Variants in LDB2 observed in about 807,000 individuals in gnomAD.
The protein encoded by LDB2 is LIM domain-binding protein 2.
Under a neutral mutation model 44.3 loss-of-function variants are expected in LDB2, and 12 were observed. The observed-to-expected ratio is 0.27, with a 90% CI of 0.17 to 0.44. The LOEUF (loss-of-function observed/expected upper bound fraction) is 0.44, where lower values mean the gene tolerates loss of function less well. Ranked by LOEUF, LDB2 falls within the 20% of genes least tolerant of loss-of-function variation. The pLI is 1.00. For missense variants in LDB2, 344 were observed against 473.5 expected, an observed-to-expected ratio of 0.73 and a Z score of 2.54; for synonymous variants, 164 against 174.8, an observed-to-expected ratio of 0.94 and a Z score of 0.49.
intron 5 of LDB2, among the ~76,000 whole-genome samples, chr4:16,522,276 T>TGTGTGCGTG (rs1726438868): frequency 6.7e-6 from 1 of 150,234 alleles, no homozygotes; most frequent in African/African-American, 2.5e-5. Context: ...GTGTGTGTGT[T>TGTGTGCGTG]TGTGTGTGTG....
chr4:16,808,791 C>T (rs1779247678), intron 1 of LDB2, among the ~76,000 whole-genome samples: 2 of 152,094 alleles, frequency 1.3e-5, no homozygotes, highest in Admixed American at 1.3e-4. Context: ...AGTATCAGAA[C>T]AGTGTTTTGC....
intron 1 of LDB2, among the ~76,000 whole-genome samples, chr4:16,823,955 A>G (rs1300462301): frequency 2.0e-5 from 3 of 152,262 alleles, no homozygotes; most frequent in African/African-American, 7.2e-5. Context: ...ATTCGTTTTC[A>G]AAGAAGTGTT....
intron 1 of LDB2, among the ~76,000 whole-genome samples, chr4:16,874,206 ATAGGC>A (rs1436289513): frequency 6.6e-6 from 1 of 152,208 alleles, no homozygotes; most frequent in African/African-American, 2.4e-5. Flanking sequence ...ATGGCAATGC[ATAGGC>A]TGGAAAATAG....
At chr4:16,693,593 G>T (rs1235857530) in intron 2 of LDB2, among the ~76,000 whole-genome samples, 1 of 152,228 alleles carries the variant, frequency 6.6e-6, no homozygotes, top group South Asian at 2.1e-4. Flanking sequence ...CTGACCTCGT[G>T]ATCCCGGCCT....
At chr4:16,882,430 A>G (rs1165516713) in intron 1 of LDB2, among the ~76,000 whole-genome samples, 1 of 151,838 alleles carries the variant, frequency 6.6e-6, no homozygotes, top group Non-Finnish European at 1.5e-5. Flanking sequence ...CTGCCTCCAT[A>G]AAAAAAAGTC....
rs1560539160 is a variant in LDB2 at position 16,582,063 on chromosome 4, G to T, written c.615+3859C>A. On this transcript the variant is annotated intron_variant, in intron 5 of 7. Coordinates refer to ENST00000304523, the MANE Select transcript of LDB2 (RefSeq NM_001290.5). This position sits in a 1 kb window ranked among gnomAD's most constrained non-coding sequence, Gnocchi z 4.8. ...GAAGGAAGGAAGGAAAAGAAAGTAA[G>T]TCCCTGCAAAGCATATAGCAGCAAT... 6.6e-6 allele frequency among the ~76,000 whole-genome samples: 1 copy of T among 150,984 alleles called. No individual in the cohort carries two copies. The highest frequency in any genetic ancestry group is 1.9e-4 in the East Asian group (1 of 5,164).
chr4:16,811,593 G>A (rs1008855298), intron 1 of LDB2, among the ~76,000 whole-genome samples: 7 of 152,164 alleles, frequency 4.6e-5, no homozygotes, highest in African/African-American at 1.7e-4. Flanking sequence ...GTGTTACACT[G>A]TAAATGTAGT....
intron 1 of LDB2, among the ~76,000 whole-genome samples, chr4:16,778,052 T>C (rs890683578): frequency 1.3e-5 from 2 of 152,160 alleles, no homozygotes; most frequent in African/African-American, 2.4e-5. Context: ...TCTATGACAC[T>C]ACCTGGTTGC....
chr4:16,588,902 C>T, intron 3 of LDB2, 70 bp from the exon 4 acceptor site: 1 of 1,565,304 alleles, frequency 6.4e-7, no homozygotes, highest in Non-Finnish European at 8.7e-7. Context: ...ACTCACATAG[C>T]CACTCAGCGT....
chr4:16,786,029 T>C lies in LDB2; in HGVS notation c.133-26769A>G, dbSNP rs146934040. Among the ~76,000 whole-genome samples the C allele has an allele frequency of 3.9e-5, 6 of 152,274 alleles. No homozygotes were observed. In the East Asian group the frequency reaches 1.2e-3, roughly 29 times the overall value. On this transcript the variant is annotated intron_variant, in intron 1 of 7. Coordinates refer to ENST00000304523, the MANE Select transcript of LDB2 (RefSeq NM_001290.5). ...CGCCTTAGAAAAATGTAATCAGATA[T>C]TCATTTCCTGATATTAACAACCACT...
intron 5 of LDB2, among the ~76,000 whole-genome samples, chr4:16,548,732 A>C (rs1736639797): frequency 6.6e-6 from 1 of 152,228 alleles, no homozygotes; most frequent in South Asian, 2.1e-4. Flanking sequence ...CCATTTTAAC[A>C]ATTAGCTGAA....
rs916779810 is a variant in LDB2 at position 16,502,169 on chromosome 4, T to A, written c.*474A>T. Reference sequence around the variant, plus strand: ...TTCCAAAGCTGATTTTTTTGTCTTTTCTTTTTTTACTGAAACAAGAAACTC... The same window carrying A: ...TTCCAAAGCTGATTTTTTTGTCTTTACTTTTTTTACTGAAACAAGAAACTC... On this transcript the variant is annotated 3_prime_UTR_variant, in exon 8 of 8. Transcript: ENST00000304523. 2.6e-5 allele frequency: 4 copies of A among 154,528 alleles called. No homozygotes were observed. Among genetic ancestry groups the A allele is most frequent in the Non-Finnish European group, 4.3e-5 (3 of 69,338 alleles). 9.6% of individuals were successfully genotyped at this position (154,528 alleles called of 1,614,324 possible). A position where few individuals can be genotyped will look rare whatever the true frequency, so the allele number is the denominator to read the frequency against.
rs796979905 is a variant in LDB2, at chr4:16,586,525, CA to C, written c.532-521del. On this transcript the variant is annotated intron_variant, in intron 4 of 7. Transcript: ENST00000304523. Reference sequence around the variant, plus strand: ...ACACACACACACACACACACACACACAAAACACACACACACACACACACACA... The same window carrying C: ...ACACACACACACACACACACACACACAAACACACACACACACACACACACA... Among the ~76,000 whole-genome samples, 310 of 83,004 alleles carry C rather than the reference CA, an allele frequency of 3.7e-3. 1 individual carries two copies. Among genetic ancestry groups the C allele is most frequent in the South Asian group, 0.033 (78 of 2,362 alleles). The allele number at this position is 83,004 out of a possible 152,430, so 54.5% of individuals were successfully genotyped here. A position where few individuals can be genotyped will look rare whatever the true frequency, so the allele number is the denominator to read the frequency against.
chr4:16,579,040 G>A (rs114068849), intron 5 of LDB2, among the ~76,000 whole-genome samples: 2,029 of 152,250 alleles, frequency 0.013, 58 homozygotes, highest in African/African-American at 0.045. Flanking sequence ...CCACAGATTG[G>A]GAAGGGTCAG....
intron 5 of LDB2, among the ~76,000 whole-genome samples, chr4:16,551,821 ATTTAT>A (rs1313308349): frequency 2.0e-5 from 3 of 152,032 alleles, no homozygotes; most frequent in African/African-American, 7.2e-5. Flanking sequence ...CCGACCAACT[ATTTAT>A]TTTATTTTTT....
At chr4:16,778,327 C>T (rs1327999570) in intron 1 of LDB2, among the ~76,000 whole-genome samples, 1 of 152,150 alleles carries the variant, frequency 6.6e-6, no homozygotes, top group African/African-American at 2.4e-5. Flanking sequence ...TATGCTGCTT[C>T]CTCATGAGCT....
intron 5 of LDB2, among the ~76,000 whole-genome samples, chr4:16,550,886 A>C (rs1436381293): frequency 6.6e-6 from 1 of 152,222 alleles, no homozygotes; most frequent in Non-Finnish European, 1.5e-5. Context: ...AAATACATAA[A>C]TGTTTGCATA....
In LDB2 at chr4:16,698,258, C is replaced by T. The variant is rs1039949708; in HGVS notation, c.235+60900G>A. On this transcript the variant is annotated intron_variant, in intron 2 of 7. Transcript: ENST00000304523. Reference sequence around the variant, plus strand: ...TCTTGAACATGTGTCTTGATACACTCAATACTGCATTAGTAAAGAATATTC... The same window carrying T: ...TCTTGAACATGTGTCTTGATACACTTAATACTGCATTAGTAAAGAATATTC... Among the ~76,000 whole-genome samples the T allele has an allele frequency of 4.6e-5, 7 of 152,088 alleles. No homozygotes were observed. The South Asian group carries it at 1.2e-3, about 27-fold the overall frequency.
chr4:16,804,469 A>G (rs553729753), intron 1 of LDB2, among the ~76,000 whole-genome samples: 1 of 152,316 alleles, frequency 6.6e-6, no homozygotes, highest in South Asian at 2.1e-4. Flanking sequence ...TTATAAATAC[A>G]TATATGCTAC....
Sources: allele counts gnomAD v4.1 joint callset (sites outside exome capture counted in the v4.1 genomes callset), GRCh38; gene constraint gnomAD v4.1.1; non-coding constraint Gnocchi (gnomAD v3.1); transcripts MANE v1.5; gene names NCBI Gene and HGNC (gene_info 2026-07-23, HGNC 2026-07-21).